FCAR: variants seen among roughly 807,000 people sequenced by gnomAD.
FCAR encodes Fc alpha receptor, also known as immunoglobulin alpha Fc receptor.
FCAR carries 21 observed loss-of-function variants against 27.1 expected under a neutral mutation model. The ratio of observed to expected loss-of-function variants is 0.77; its 90% CI spans 0.55 to 1.11. The LOEUF (loss-of-function observed/expected upper bound fraction) is 1.11. Ranked by LOEUF, FCAR falls within the 50% of genes most tolerant of loss-of-function variation. The probability of loss-of-function intolerance (pLI) is 0.00; values close to 1 mark genes in which losing one functional copy is unlikely to be tolerated. For synonymous variants in FCAR, 134 were observed against 135.8 expected (o/e 0.99, Z 0.09); for missense variants, 404 against 358.4 (o/e 1.13, Z -1.03).
At position 54,885,246 on chromosome 19, in the gene FCAR, A is replaced by G. The variant is rs745702454; in HGVS notation, c.82A>G (p.Met28Val). ...TTCTTTTCTTCCAGGGGACTTTCCC[A>G]TGCCTTTCATATCTGCCAAATCGAG... is the stretch of plus-strand genomic sequence containing the variant. ...RIQAQEGDFP[M>V]PFISAKSSPV... The change falls in exon 3 of 5, where the codon ATG (methionine) becomes GTG (valine). Residue 28 changes from methionine (M) to valine (V), a missense_variant. Transcript: ENST00000355524. 1.2e-6 allele frequency: 2 copies of G among 1,612,844 alleles called. No individual in the cohort carries two copies. Among genetic ancestry groups the G allele is most frequent in the East Asian group, 4.5e-5 (2 of 44,856 alleles).
intron 2 of FCAR, among the ~76,000 whole-genome samples, chr19:54,876,551 T>G (rs587736249): frequency 2.0e-4 from 31 of 152,314 alleles, no homozygotes; most frequent in African/African-American, 7.5e-4. Flanking sequence ...ATGTTGAATT[T>G]TATCAAAAGC....
rs1601936741 is a variant in FCAR at position 54,885,183 on chromosome 19, G to A, written c.71-52G>A. 6.1e-6 allele frequency: 9 copies of A among 1,475,870 alleles called. No homozygotes were observed. The East Asian group carries it at 1.6e-4, about 26-fold the overall frequency. 91.4% of individuals were successfully genotyped at this position (1,475,870 alleles called of 1,614,324 possible). A position where few individuals can be genotyped will look rare whatever the true frequency, so the allele number is the denominator to read the frequency against. On this transcript the variant is annotated intron_variant, in intron 2 of 4. Transcript: ENST00000355524. Reference sequence around the variant, plus strand: ...TTACTTCTCCCACAGAGAAGGAAAGGAATGGCTTCCCCATGGCAAGCCACC... The same window carrying A: ...TTACTTCTCCCACAGAGAAGGAAAGAAATGGCTTCCCCATGGCAAGCCACC...
intron 2 of FCAR, among the ~76,000 whole-genome samples, chr19:54,879,930 C>T (rs1018142939): frequency 1.8e-4 from 27 of 152,168 alleles, no homozygotes; most frequent in Non-Finnish European, 7.3e-5. Context: ...CGTGATCCGC[C>T]CGCCTTGGTC....
At chr19:54,889,245 C>T (rs982986518) in intron 4 of FCAR, among the ~76,000 whole-genome samples, 6 of 148,566 alleles carry the variant, frequency 4.0e-5, no homozygotes, top group African/African-American at 1.2e-4. Context: ...TGGTGGTGGG[C>T]GCCTGTAATC....
chr19:54,886,807 C>T (rs1295718772), intron 3 of FCAR, among the ~76,000 whole-genome samples: 6 of 152,214 alleles, frequency 3.9e-5, no homozygotes, highest in Non-Finnish European at 8.8e-5. Flanking sequence ...AGGGTACTCC[C>T]ACTACTGGAA....
chr19:54,885,878 G>A (rs374881484), intron 3 of FCAR, among the ~76,000 whole-genome samples: 34 of 152,328 alleles, frequency 2.2e-4, no homozygotes, highest in South Asian at 1.2e-3. Context: ...TAGGGAAGCC[G>A]AGGCGGGTGG....
chr19:54,880,734 T>G (rs1382148630), intron 2 of FCAR: 1 of 152,214 alleles, frequency 6.6e-6, no homozygotes, highest in Non-Finnish European at 1.5e-5. Context: ...CGTGATGTAA[T>G]TTGAGCACAG....
At position 54,890,040 on chromosome 19, in the gene FCAR, A is replaced by G. The variant is rs1222320858; in HGVS notation, c.*177A>G. The G allele has an allele frequency of 8.4e-6, 5 of 596,810 alleles. No individual in the cohort carries two copies. The highest frequency in any genetic ancestry group is 1.5e-5 in the Non-Finnish European group (5 of 335,754). The allele number at this position is 596,810 out of a possible 1,614,324, so 37.0% of individuals were successfully genotyped here. A position where few individuals can be genotyped will look rare whatever the true frequency, so the allele number is the denominator to read the frequency against. ...CAGTGGAGCAATCTCGGCTCATTGA[A>G]CCTCTTGGGTTCAAGTGATTCTTGT... On this transcript the variant is annotated 3_prime_UTR_variant, in exon 5 of 5. Coordinates refer to ENST00000355524, the MANE Select transcript of FCAR (RefSeq NM_002000.4).
rs113564846 is a variant in FCAR at position 54,885,298 on chromosome 19, T to G, written c.134T>G (p.Val45Gly). The G allele has an allele frequency of 3.1e-6, 5 of 1,613,950 alleles. No homozygotes were observed. In the East Asian group the frequency reaches 1.1e-4, roughly 36 times the overall value. ...CCTGTGATTCCCTTGGATGGATCTGTGAAAATCCAGTGCCAGGCCATTCGT... is the reference window on the plus strand; with the variant it reads ...CCTGTGATTCCCTTGGATGGATCTGGGAAAATCCAGTGCCAGGCCATTCGT... Reference protein sequence around the residue: ...SSPVIPLDGSVKIQCQAIREA... With the variant: ...SSPVIPLDGSGKIQCQAIREA... The change falls in exon 3 of 5, where the codon GTG becomes GGG. Residue 45 changes from valine (V) to glycine (G), a missense_variant. Val to Gly is a moderately radical substitution (Grantham distance 109). Transcript: ENST00000355524.
chr19:54,878,610 T>C (rs2066232183), intron 2 of FCAR, among the ~76,000 whole-genome samples: 1 of 152,098 alleles, frequency 6.6e-6, no homozygotes, highest in Non-Finnish European at 1.5e-5. Flanking sequence ...CTTAGCAGAT[T>C]CCGACTTCCG....
At chr19:54,882,116 G>A (rs1414395178) in intron 2 of FCAR, among the ~76,000 whole-genome samples, 1 of 152,176 alleles carries the variant, frequency 6.6e-6, no homozygotes. Flanking sequence ...GCACTCCCGA[G>A]CTGGGGGCTC....
chr19:54,889,946 C>G lies in FCAR; in HGVS notation c.*83C>G. 1 of 1,012,314 alleles carries G rather than the reference C, an allele frequency of 9.9e-7. No individual in the cohort carries two copies. The highest frequency in any genetic ancestry group is 1.5e-6 in the Non-Finnish European group (1 of 677,266). The allele number at this position is 1,012,314 out of a possible 1,614,324, so 62.7% of individuals were successfully genotyped here. Reference sequence around the variant, plus strand: ...GAAGGACACAAGAGAGAAAAGCTCACTAAGAAGCTTGAATCTACTTTTTTT... The same window carrying G: ...GAAGGACACAAGAGAGAAAAGCTCAGTAAGAAGCTTGAATCTACTTTTTTT... On this transcript the variant is annotated 3_prime_UTR_variant, in exon 5 of 5. Transcript: ENST00000355524.
chr19:54,875,861 A>G (rs587677776), intron 2 of FCAR, among the ~76,000 whole-genome samples: 41 of 152,284 alleles, frequency 2.7e-4, no homozygotes, highest in African/African-American at 9.6e-4. Context: ...TTAGCCTCCT[A>G]ATGGGTGTGA....
chr19:54,889,626 A>C (rs1190700515), intron 4 of FCAR, 23 bp from the exon 5 acceptor site: 1 of 1,589,808 alleles, frequency 6.3e-7, no homozygotes, highest in African/African-American at 1.3e-5. Context: ...CCAACCATTC[A>C]TCTCCTTGAA....
chr19:54,874,250 A>T lies in FCAR; in HGVS notation c.-40A>T, dbSNP rs1180100639. The stretch of plus-strand genomic sequence containing the variant: ...AATATCTGTCATCCTGCTAATGTGC[A>T]TTGAAAGGAGAGCAACGGGGCTGAG... On this transcript the variant is annotated 5_prime_UTR_variant, in exon 1 of 5. Coordinates refer to ENST00000355524, the MANE Select transcript of FCAR (RefSeq NM_002000.4). 1 of 1,612,548 alleles carries T rather than the reference A, an allele frequency of 6.2e-7. No homozygotes were observed. Among genetic ancestry groups the T allele is most frequent in the African/African-American group, 1.3e-5 (1 of 75,008 alleles).
At chr19:54,877,717 G>A (rs2066173323) in intron 2 of FCAR, among the ~76,000 whole-genome samples, 1 of 152,026 alleles carries the variant, frequency 6.6e-6, no homozygotes, top group Admixed American at 6.6e-5. Context: ...CTAGCTTTTT[G>A]AAGTGGGAGT....
chr19:54,883,200 A>G (rs933863930), intron 2 of FCAR, among the ~76,000 whole-genome samples: 2 of 136,474 alleles, frequency 1.5e-5, no homozygotes, highest in African/African-American at 5.7e-5. Flanking sequence ...TTTTTTTTGT[A>G]GAGATGGGGT....
At chr19:54,875,710 C>T (rs1330134578) in intron 2 of FCAR, among the ~76,000 whole-genome samples, 2 of 152,208 alleles carry the variant, frequency 1.3e-5, no homozygotes, top group African/African-American at 4.8e-5. Flanking sequence ...AACCCACTTC[C>T]TCCCGTCACT....
chr19:54,890,027 C>G lies in FCAR; in HGVS notation c.*164C>G. ...CCAGGCTGGAGTGCAGTGGAGCAAT[C>G]TCGGCTCATTGAACCTCTTGGGTTC... On this transcript the variant is annotated 3_prime_UTR_variant, in exon 5 of 5. Transcript: ENST00000355524. 1 of 606,140 alleles carries G rather than the reference C, an allele frequency of 1.6e-6. No individual in the cohort carries two copies. The highest frequency in any genetic ancestry group is 2.9e-6 in the Non-Finnish European group (1 of 342,170). 37.5% of individuals were successfully genotyped at this position (606,140 alleles called of 1,614,324 possible). A position where few individuals can be genotyped will look rare whatever the true frequency, so the allele number is the denominator to read the frequency against.
Sources: allele counts gnomAD v4.1 joint callset (sites outside exome capture counted in the v4.1 genomes callset), GRCh38; gene constraint gnomAD v4.1.1; transcripts MANE v1.5; gene names NCBI Gene and HGNC (gene_info 2026-07-23, HGNC 2026-07-21).